The following WNK2 variants were observed in gnomAD, a reference collection of about 807,000 sequenced individuals.
The protein encoded by WNK2 is serine/threonine-protein kinase WNK2.
In WNK2, 67 loss-of-function variants were observed where a neutral mutation model predicts 192.1. The ratio of observed to expected loss-of-function variants is 0.35; its 90% CI spans 0.29 to 0.43. The LOEUF is 0.43. Among genes scored for constraint, WNK2 ranks in the 20% least tolerant of loss-of-function variants. WNK2 has a pLI of 1.00. For synonymous variants in WNK2, 1,439 were observed against 1,393.9 expected, an observed-to-expected ratio of 1.03 and a Z score of -0.72; for missense variants, 2,698 against 3,089.7, an observed-to-expected ratio of 0.87 and a Z score of 3.01.
chr9:93,199,899 C>CAAAAAAAAAAAAAA (rs59582411), intron 2 of WNK2, among the ~76,000 whole-genome samples: 26 of 107,740 alleles, frequency 2.4e-4, no homozygotes, highest in African/African-American at 5.5e-4. Context: ...CTCTTTGTCT[C>CAAAAAAAAAAAAAA]AAAAAAAAAA....
At chr9:93,218,754 G>A (rs146727588) in intron 2 of WNK2, among the ~76,000 whole-genome samples, 340 of 152,368 alleles carry the variant, frequency 2.2e-3, no homozygotes, top group African/African-American at 7.8e-3. Flanking sequence ...CATGTTGGGG[G>A]TGTGTGTCTG....
chr9:93,262,225 AC>A, intron 13 of WNK2, 118 bp downstream of exon 13: 1 of 1,266,968 alleles, frequency 7.9e-7, no homozygotes, highest in Non-Finnish European at 1.1e-6. Flanking sequence ...TGGGACAGCC[AC>A]CCAGGTTCTG....
intron 23 of WNK2, among the ~76,000 whole-genome samples, chr9:93,294,565 A>T (rs940089167): frequency 6.6e-5 from 10 of 152,130 alleles, no homozygotes; most frequent in Admixed American, 5.2e-4. Flanking sequence ...GGGAGCTGAG[A>T]TGTTGCCAAG....
At chr9:93,292,165 C>T (rs973276013) in intron 21 of WNK2, 143 bp from the exon 22 acceptor site, 4 of 769,470 alleles carry the variant, frequency 5.2e-6, no homozygotes, top group East Asian at 4.9e-5. Flanking sequence ...ACACAGCTGG[C>T]TCCTCCCAGT....
chr9:93,318,064 C>G, intron 29 of WNK2: 1 of 1,610,650 alleles, frequency 6.2e-7, no homozygotes, highest in Non-Finnish European at 8.5e-7. Context: ...ACACCCACTT[C>G]CTATACTTGA....
intron 19 of WNK2, 35 bp from the exon 20 acceptor site, chr9:93,288,753 C>T (rs1418476651): frequency 1.9e-6 from 3 of 1,569,204 alleles, no homozygotes; most frequent in Non-Finnish European, 2.6e-6. Flanking sequence ...GACTGGAGTA[C>T]CCTGGTACAA....
At chr9:93,298,877 G>T (rs1258493948) in intron 24 of WNK2, among the ~76,000 whole-genome samples, 193 bp from the exon 25 acceptor site, 1 of 152,232 alleles carries the variant, frequency 6.6e-6, no homozygotes, top group African/African-American at 2.4e-5. Context: ...GTGGGGGCTG[G>T]TAGAGACTGG....
intron 4 of WNK2, among the ~76,000 whole-genome samples, chr9:93,231,886 G>A (rs1366049964): frequency 6.6e-6 from 1 of 152,260 alleles, no homozygotes; most frequent in Non-Finnish European, 1.5e-5. Flanking sequence ...GGCACAGTGG[G>A]TGTGAAGTGT....
chr9:93,304,815 C>T (rs1279058737), intron 26 of WNK2, among the ~76,000 whole-genome samples: 1 of 152,202 alleles, frequency 6.6e-6, no homozygotes, highest in Non-Finnish European at 1.5e-5. Context: ...TGAGTGGCGT[C>T]CGACAGCATG....
At chr9:93,202,364 G>GTGTGTGTGTGTA (rs576221975) in intron 2 of WNK2, among the ~76,000 whole-genome samples, 204 of 146,136 alleles carry the variant, frequency 1.4e-3, no homozygotes, top group African/African-American at 4.5e-3. Context: ...GTGTGTGTGT[G>GTGTGTGTGTGTA]TGTATGTCTC....
chr9:93,288,706 A>C, intron 19 of WNK2, 82 bp from the exon 20 acceptor site: 1 of 1,371,304 alleles, frequency 7.3e-7, no homozygotes. Flanking sequence ...CAGCTGTGTA[A>C]GGCATCTTTT....
In WNK2 at chr9:93,252,974, C is replaced by A. The variant is rs4744201; in HGVS notation, c.1926C>A (p.Asp642Glu). 1.5e-4 allele frequency: 228 copies of A among 1,568,640 alleles called. No individual in the cohort carries two copies. The African/African-American group carries it at 2.6e-3, about 18-fold the overall frequency. The change falls in exon 9 of 30, where the codon GAC (aspartate) becomes GAA (glutamate). Residue 642 changes from aspartate (D) to glutamate (E), a missense_variant. By Grantham distance (45) the Asp-to-Glu change is conservative (BLOSUM62 2). Transcript: ENST00000427277. The stretch of plus-strand genomic sequence containing the variant: ...GCGTGATGCTTGGCTCCCTTGCCGA[C>A]GCAGCGCCGTCCCCGGCCCAGTGTG... Reference protein sequence around the residue: ...QQSVMLGSLADAAPSPAQCVC... With the variant: ...QQSVMLGSLAEAAPSPAQCVC...
intron 19 of WNK2, among the ~76,000 whole-genome samples, chr9:93,278,355 C>T (rs1847249305): frequency 6.6e-6 from 1 of 152,146 alleles, no homozygotes; most frequent in Non-Finnish European, 1.5e-5. Context: ...GAAACTCACC[C>T]AGGCTGAGGA....
At chr9:93,303,300 G>A (rs898563365) in intron 26 of WNK2, among the ~76,000 whole-genome samples, 1 of 152,166 alleles carries the variant, frequency 6.6e-6, no homozygotes, top group South Asian at 2.1e-4. Context: ...TCTGGTCGTG[G>A]TTCTGTTGGT....
intron 2 of WNK2, among the ~76,000 whole-genome samples, chr9:93,228,022 T>TA (rs1838111189): frequency 6.6e-6 from 1 of 152,242 alleles, no homozygotes; most frequent in East Asian, 1.9e-4. Flanking sequence ...TGTGTCAACT[T>TA]ATTGAATCTT....
At chr9:93,220,093 C>G (rs979378909) in intron 2 of WNK2, among the ~76,000 whole-genome samples, 9 of 152,164 alleles carry the variant, frequency 5.9e-5, no homozygotes, top group African/African-American at 2.2e-4. Context: ...TGTGAATGAG[C>G]ATAGGTCCTG....
intron 29 of WNK2, among the ~76,000 whole-genome samples, chr9:93,319,964 G>A (rs1434639622): frequency 1.3e-5 from 2 of 152,182 alleles, no homozygotes; most frequent in Non-Finnish European, 2.9e-5. Context: ...GGTCCACTGT[G>A]GGGGCTGCCT....
At chr9:93,320,324 A>AG (rs1397485683) in intron 29 of WNK2, 43 bp from the exon 30 acceptor site, 1 of 1,367,222 alleles carries the variant, frequency 7.3e-7, no homozygotes, top group South Asian at 1.1e-5. Flanking sequence ...AGTGGCCAGC[A>AG]CTGCGGTGGG....
rs1838293644 is a variant in WNK2, at chr9:93,229,035, C to T, written c.682-661C>T. Among the ~76,000 whole-genome samples, 1 of 152,042 alleles carries T rather than the reference C, an allele frequency of 6.6e-6. No homozygotes were observed. The highest frequency in any genetic ancestry group is 1.5e-5 in the Non-Finnish European group (1 of 68,006). On this transcript the variant is annotated intron_variant, in intron 2 of 29. Transcript: ENST00000427277. The surrounding 1 kb of genome is among the most constrained non-coding windows in gnomAD (Gnocchi z 4.9). ...TGGTGCATGCACCTGACCAGGGTTC[C>T]CGGGTGATGATGGTGGCGTTTGTTT...
Sources: allele counts gnomAD v4.1 joint callset (sites outside exome capture counted in the v4.1 genomes callset), GRCh38; gene constraint gnomAD v4.1.1; non-coding constraint Gnocchi (gnomAD v3.1); transcripts MANE v1.5; gene names NCBI Gene and HGNC (gene_info 2026-07-23, HGNC 2026-07-21).